The following COL17A1 variants were observed in gnomAD, a reference collection of about 807,000 sequenced individuals.
COL17A1 encodes the protein collagen alpha-1(XVII) chain.
COL17A1 carries 181 observed loss-of-function variants against 218.4 expected under a neutral mutation model. That is an observed-to-expected ratio of 0.83 (90% CI 0.73 to 0.94). The LOEUF (loss-of-function observed/expected upper bound fraction) is 0.94. Among genes scored for constraint, COL17A1 ranks in the 40% least tolerant of loss-of-function variants. The pLI is 0.00. For missense variants in COL17A1, 1,924 were observed against 1,945.9 expected (o/e 0.99, Z 0.21); for synonymous variants, 721 against 731.0 (o/e 0.99, Z 0.22).
chr10:104,067,248 T>A (rs571380356), intron 9 of COL17A1, among the ~76,000 whole-genome samples: 1 of 146,132 alleles, frequency 6.8e-6, no homozygotes, highest in East Asian at 2.1e-4. Context: ...AGAGTCCACT[T>A]CAAGGACACA....
At chr10:104,075,160 C>T (rs2086699358) in intron 5 of COL17A1, among the ~76,000 whole-genome samples, 1 of 152,134 alleles carries the variant, frequency 6.6e-6, no homozygotes, top group East Asian at 1.9e-4. Flanking sequence ...TCTTTCTTGG[C>T]AAACTCCTTT....
intron 1 of COL17A1, among the ~76,000 whole-genome samples, chr10:104,084,705 G>A (rs1589581871): frequency 6.6e-6 from 1 of 152,170 alleles, no homozygotes; most frequent in Non-Finnish European, 1.5e-5. Context: ...GGGCCTAAGA[G>A]TAAAGCAGGA....
At chr10:104,062,215 G>T in intron 12 of COL17A1, 43 bp downstream of exon 12, 1 of 1,613,588 alleles carries the variant, frequency 6.2e-7, no homozygotes, top group Non-Finnish European at 8.5e-7. Context: ...CTGCAAAGAG[G>T]TGTCACTTTC....
chr10:104,057,401 G>A (rs2086540652), intron 16 of COL17A1, among the ~76,000 whole-genome samples: 1 of 147,362 alleles, frequency 6.8e-6, no homozygotes, highest in African/African-American at 2.5e-5. Flanking sequence ...ACCTGAGAAG[G>A]TCACTTCACC....
intron 52 of COL17A1, 91 bp from the exon 53 acceptor site, chr10:104,033,466 C>G: frequency 6.8e-7 from 1 of 1,478,486 alleles, no homozygotes; most frequent in Non-Finnish European, 9.2e-7. Flanking sequence ...GTCAAACTCC[C>G]AAAGCAGTTG....
chr10:104,052,049 AG>A, intron 24 of COL17A1, 105 bp downstream of exon 24: 2 of 1,467,392 alleles, frequency 1.4e-6, no homozygotes, highest in Admixed American at 1.7e-5. Flanking sequence ...GGCCTGGGGC[AG>A]GGGGTTAGGG....
rs1564671758 is a variant in COL17A1 at position 104,036,582 on chromosome 10, G to A, written c.3328C>T (p.Pro1110Ser). The A allele has an allele frequency of 6.2e-7, 1 of 1,614,022 alleles. No individual in the cohort carries two copies. The highest frequency in any genetic ancestry group is 2.2e-5 in the East Asian group (1 of 44,874). The stretch of plus-strand genomic sequence containing the variant: ...CCACTGGCTCCTGGTGGCCCTGGCG[G>A]ACCCCGAGGGCCCATCAAGTACTGA... ...LRQYLMGPRG[P>S]PGPPGASGDG... The change falls in exon 48 of 56, where the codon CCG becomes TCG. Residue 1110 changes from proline to serine, a missense_variant. Transcript: ENST00000648076.
At chr10:104,085,220 T>G (rs1055441934) in intron 1 of COL17A1, among the ~76,000 whole-genome samples, 2 of 152,218 alleles carry the variant, frequency 1.3e-5, no homozygotes, top group Admixed American at 1.3e-4. Flanking sequence ...ATGTTTACCA[T>G]GTATGGCTTA....
In COL17A1 at chr10:104,034,700, C is replaced by T. The variant is rs750572470; in HGVS notation, c.3687G>A (p.Pro1229=). 48 of 1,610,350 alleles carry T rather than the reference C, an allele frequency of 3.0e-5. No individual in the cohort carries two copies. Among genetic ancestry groups the T allele is most frequent in the Admixed American group, 2.4e-4 (14 of 59,394 alleles). ...AGGTTGCCAGGGCTCCTGAGACACC[C>T]GGGGGCCCTCGAGGCCCTGGGGGAC... ...PPGPPGPRGP[P]GVSGALATYA... Residue 1229 remains proline (P), a synonymous_variant, in exon 51 of 56, where the codon CCG becomes CCA. Transcript: ENST00000648076.
intron 9 of COL17A1, among the ~76,000 whole-genome samples, chr10:104,068,145 G>A (rs2086642403): frequency 6.6e-6 from 1 of 152,108 alleles, no homozygotes; most frequent in South Asian, 2.1e-4. Flanking sequence ...TCAAAGAGTT[G>A]GGAGATGGTA....
At chr10:104,069,942 A>C (rs2086655955) in intron 9 of COL17A1, among the ~76,000 whole-genome samples, 1 of 152,212 alleles carries the variant, frequency 6.6e-6, no homozygotes, top group African/African-American at 2.4e-5. Context: ...GAAAAGGGCA[A>C]ATGGGAAGTG....
At chr10:104,047,701 C>A in intron 31 of COL17A1, 38 bp downstream of exon 31, 1 of 1,551,058 alleles carries the variant, frequency 6.4e-7, no homozygotes, top group Non-Finnish European at 8.9e-7. Context: ...CACACACACA[C>A]TAAGCAGGGC....
At chr10:104,066,624 A>G (rs1390960920) in intron 9 of COL17A1, among the ~76,000 whole-genome samples, 2 of 152,238 alleles carry the variant, frequency 1.3e-5, no homozygotes, top group African/African-American at 4.8e-5. Flanking sequence ...AAAGCTCTGG[A>G]ATCCCATAAC....
chr10:104,070,680 G>A, intron 8 of COL17A1, 111 bp from the exon 9 acceptor site: 3 of 1,604,280 alleles, frequency 1.9e-6, no homozygotes, highest in South Asian at 1.1e-5. Context: ...AATGGCATCT[G>A]CCTCACACAT....
intron 52 of COL17A1, 56 bp from the exon 53 acceptor site, chr10:104,033,431 A>G: frequency 1.3e-6 from 2 of 1,591,350 alleles, no homozygotes; most frequent in Admixed American, 1.7e-5. Context: ...TACCCTCTTC[A>G]GCAGGAGCAC....
chr10:104,057,101 C>A lies in COL17A1; in HGVS notation c.1339G>T (p.Gly447Cys), dbSNP rs200223042. ...GGGGVGGAGG[G>C]PWGPAPAWCP... ...CAGGCTGGCGCTGGTCCCCAAGGGC[C>A]GCCGCCAGCGCCACCAACACCGCCA... The change falls in exon 17 of 56, where the codon GGC (glycine) becomes TGC (cysteine). Residue 447 changes from glycine to cysteine, a missense_variant. Coordinates refer to ENST00000648076, the MANE Select transcript of COL17A1 (RefSeq NM_000494.4). The A allele has an allele frequency of 7.2e-4, 1,156 of 1,612,418 alleles. 1 individual carries two copies. Among genetic ancestry groups the A allele is most frequent in the Non-Finnish European group, 7.4e-4 (869 of 1,179,226 alleles).
In COL17A1 at chr10:104,055,382, A is replaced by G. The variant is rs145673817; in HGVS notation, c.1707T>C (p.Pro569=). 6.2e-7 allele frequency: 1 copy of G among 1,613,198 alleles called. No homozygotes were observed. Among genetic ancestry groups the G allele is most frequent in the African/African-American group, 1.3e-5 (1 of 74,704 alleles). ...EQENGNLRGS[P]GPKGDMGSPG... ...AATCCATGGCAATACCTTTAGGGCCAGGGCTTCCTCGGAGATTTCCTGCAA... is the reference window on the plus strand; with the variant it reads ...AATCCATGGCAATACCTTTAGGGCCGGGGCTTCCTCGGAGATTTCCTGCAA... Residue 569 remains proline (P), a synonymous_variant, in exon 19 of 56, where the codon CCT becomes CCC. Transcript: ENST00000648076.
chr10:104,056,383 C>T (rs1032659108), intron 17 of COL17A1, among the ~76,000 whole-genome samples: 3 of 152,010 alleles, frequency 2.0e-5, no homozygotes, highest in Non-Finnish European at 2.9e-5. Flanking sequence ...GAAATCGAGA[C>T]CATCCTGGCT....
chr10:104,078,539 T>A lies in COL17A1; in HGVS notation c.97+3A>T, dbSNP rs1337083389. On this transcript the variant is annotated splice_donor_region_variant and intron_variant, in intron 3 of 55. Transcript: ENST00000648076. ...AAAGAAAGCTATTGAGGTAGTTACT[T>A]ACTTGGTGGTAAGGATGTAAGTCTT... 20 of 1,614,072 alleles carry A rather than the reference T, an allele frequency of 1.2e-5. No homozygotes were observed. Among genetic ancestry groups the A allele is most frequent in the Non-Finnish European group, 1.7e-5 (20 of 1,180,024 alleles).
Sources: allele counts gnomAD v4.1 joint callset (sites outside exome capture counted in the v4.1 genomes callset), GRCh38; gene constraint gnomAD v4.1.1; transcripts MANE v1.5; gene names NCBI Gene and HGNC (gene_info 2026-07-23, HGNC 2026-07-21).